Variants in NRF1 observed in about 807,000 individuals in gnomAD.
The protein encoded by NRF1 is nuclear respiratory factor 1, also known as alpha palindromic-binding protein.
NRF1 carries 5 observed loss-of-function variants against 58.5 expected under a neutral mutation model. That is an observed-to-expected ratio of 0.09 (90% CI 0.04 to 0.18). The LOEUF is 0.18. NRF1 is among the 10% of genes least tolerant of loss of function. NRF1 has a pLI of 1.00. For missense variants in NRF1, 288 were observed against 657.7 expected (o/e 0.44, Z 6.15); for synonymous variants, 224 against 246.7 (o/e 0.91, Z 0.86).
intron 6 of NRF1, 43 bp from the exon 7 acceptor site, chr7:129,710,331 G>C (rs1013657344): frequency 6.3e-7 from 1 of 1,596,290 alleles, no homozygotes; most frequent in South Asian, 1.1e-5. Context: ...AATAACCAAA[G>C]TTCTTTGTGG....
chr7:129,657,399 A>T lies in NRF1; in HGVS notation c.48A>T (p.Glu16Asp). ...AAACCGAACATATGGCTACCATAGA[A>T]GCACATGCAGTGGCCCAGCAAGTGC... Reference protein sequence around the residue: ...VTQTEHMATIEAHAVAQQVQQ... With the variant: ...VTQTEHMATIDAHAVAQQVQQ... Residue 16 changes from glutamate (E) to aspartate (D), a missense_variant, in exon 2 of 11, where the codon GAA (glutamate) becomes GAT (aspartate). Glu to Asp is a conservative substitution (Grantham distance 45). This residue lies in a region of NRF1 where 48 missense variants were observed against 65.5 expected (regional missense o/e 0.73). Transcript: ENST00000393232. The T allele has an allele frequency of 6.2e-7, 1 of 1,614,176 alleles. No individual in the cohort carries two copies. The highest frequency in any genetic ancestry group is 1.1e-5 in the South Asian group (1 of 91,082).
At chr7:129,630,328 G>A (rs1398502590) in intron 1 of NRF1, among the ~76,000 whole-genome samples, 2 of 152,198 alleles carry the variant, frequency 1.3e-5, no homozygotes, top group African/African-American at 4.8e-5. Context: ...TACTTACAGA[G>A]CTAACAGTCT....
chr7:129,644,529 C>T (rs532247740), intron 1 of NRF1, among the ~76,000 whole-genome samples: 3 of 152,318 alleles, frequency 2.0e-5, no homozygotes, highest in Non-Finnish European at 4.4e-5. Context: ...ATAGTAGCCA[C>T]AAGCCACATA....
intron 9 of NRF1, among the ~76,000 whole-genome samples, chr7:129,718,920 G>A (rs1418807223): frequency 3.3e-5 from 5 of 152,138 alleles, no homozygotes; most frequent in Admixed American, 2.6e-4. Context: ...TCATGTATAT[G>A]AGATAATATA....
At chr7:129,708,659 C>T (rs1426003252) in intron 5 of NRF1, among the ~76,000 whole-genome samples, 1 of 152,142 alleles carries the variant, frequency 6.6e-6, no homozygotes, top group Non-Finnish European at 1.5e-5. Flanking sequence ...ATTTTATCAG[C>T]TCGCCTCTTA....
intron 7 of NRF1, among the ~76,000 whole-genome samples, chr7:129,711,041 C>T (rs1240590264): frequency 6.6e-6 from 1 of 151,960 alleles, no homozygotes; most frequent in Non-Finnish European, 1.5e-5. Flanking sequence ...CCTCGGCCTC[C>T]TAAAATGCTG....
rs1804266120 is a variant in NRF1 at position 129,756,645 on chromosome 7, C to T, written c.*1464C>T. 6.6e-6 allele frequency: 1 copy of T among 152,664 alleles called. No homozygotes were observed. The highest frequency in any genetic ancestry group is 2.4e-5 in the African/African-American group (1 of 41,422). The allele number at this position is 152,664 out of a possible 1,614,324, so 9.5% of individuals were successfully genotyped here. On this transcript the variant is annotated 3_prime_UTR_variant, in exon 11 of 11. Coordinates refer to ENST00000393232, the MANE Select transcript of NRF1 (RefSeq NM_005011.5). ...CAGGGACAGCTCCTCCTCCCTCCTC[C>T]CAGCTCTCCCCATGTGTGTGATGGT...
chr7:129,710,168 G>A (rs1803041914), intron 6 of NRF1, among the ~76,000 whole-genome samples: 1 of 152,210 alleles, frequency 6.6e-6, no homozygotes, highest in African/African-American at 2.4e-5. Flanking sequence ...CTTTGATCAA[G>A]AAGAAACCAA....
At position 129,611,774 on chromosome 7, in the gene NRF1, C is replaced by A. The variant is rs1584569072; in HGVS notation, c.-57C>A. The A allele has an allele frequency of 3.6e-6, 1 of 280,522 alleles. No homozygotes were observed. Among genetic ancestry groups the A allele is most frequent in the Non-Finnish European group, 6.6e-6 (1 of 150,664 alleles). The allele number at this position is 280,522 out of a possible 1,614,324, so 17.4% of individuals were successfully genotyped here. On this transcript the variant is annotated 5_prime_UTR_variant, in exon 1 of 11. Coordinates refer to ENST00000393232, the MANE Select transcript of NRF1 (RefSeq NM_005011.5). ...GTGGCAGGAGGCTGCGAGGAGCCGG[C>A]GCGGTCGCAGTCTCCACGGCGCAGG...
At chr7:129,621,701 T>C (rs1227308362) in intron 1 of NRF1, among the ~76,000 whole-genome samples, 1 of 152,156 alleles carries the variant, frequency 6.6e-6, no homozygotes, top group Non-Finnish European at 1.5e-5. Context: ...ACCAGAATTA[T>C]GTGGTAATGC....
intron 1 of NRF1, among the ~76,000 whole-genome samples, chr7:129,635,986 A>G (rs974281397): frequency 6.6e-6 from 1 of 152,052 alleles, no homozygotes; most frequent in Non-Finnish European, 1.5e-5. Context: ...TTTTCTAACT[A>G]TTCATTAATT....
At chr7:129,708,375 A>T (rs781544559) in intron 5 of NRF1, among the ~76,000 whole-genome samples, 21 of 152,216 alleles carry the variant, frequency 1.4e-4, no homozygotes, top group Non-Finnish European at 2.6e-4. Flanking sequence ...TGATTTGTAA[A>T]ATAAATCTGA....
In NRF1 at chr7:129,657,474, T is replaced by G. The variant is rs1028094467; in HGVS notation, c.123T>G (p.Asp41Glu). The G allele has an allele frequency of 1.9e-6, 3 of 1,614,000 alleles. No homozygotes were observed. The highest frequency in any genetic ancestry group is 2.5e-6 in the Non-Finnish European group (3 of 1,180,004). The change falls in exon 2 of 11, where the codon GAT (aspartate) becomes GAG (glutamate). Residue 41 changes from aspartate to glutamate, a missense_variant. By Grantham distance (45) the Asp-to-Glu change is conservative. This residue lies in a region of NRF1 where 48 missense variants were observed against 65.5 expected (regional missense o/e 0.73). Coordinates refer to ENST00000393232, the MANE Select transcript of NRF1 (RefSeq NM_005011.5). ...TYTEHSMLSADEDSPSSPEDT... is the reference protein window; with the variant it reads ...TYTEHSMLSAEEDSPSSPEDT... ...CCGAGCATAGTATGCTGAGTGCTGA[T>G]GAAGACTCGCCTTCTTCTCCCGAGG...
chr7:129,671,508 A>G lies in NRF1; in HGVS notation c.303A>G (p.Pro101=). 2 of 1,613,380 alleles carry G rather than the reference A, an allele frequency of 1.2e-6. No individual in the cohort carries two copies. The highest frequency in any genetic ancestry group is 8.5e-7 in the Non-Finnish European group (1 of 1,179,318). ...GGCCTCATGTATTTGAGTCTAATCC[A>G]TCTATCCGGAAGAGGCAACAAACAC... ...RKRPHVFESN[P]SIRKRQQTRL... Residue 101 remains proline, a synonymous_variant, in exon 3 of 11, where the codon CCA becomes CCG. Transcript: ENST00000393232.
At chr7:129,677,476 T>G (rs1802208941) in intron 3 of NRF1, among the ~76,000 whole-genome samples, 156 bp from the exon 4 acceptor site, 1 of 152,260 alleles carries the variant, frequency 6.6e-6, no homozygotes, top group Non-Finnish European at 1.5e-5. Flanking sequence ...TACATATTTC[T>G]GCTGAATAGG....
At chr7:129,751,289 C>T (rs1804109398) in intron 10 of NRF1, among the ~76,000 whole-genome samples, 1 of 152,226 alleles carries the variant, frequency 6.6e-6, no homozygotes, top group Non-Finnish European at 1.5e-5. Context: ...GTTTAAATAC[C>T]TGCAAAGGGG....
At chr7:129,749,045 G>T (rs114588682) in intron 10 of NRF1, among the ~76,000 whole-genome samples, 3,598 of 152,320 alleles carry the variant, frequency 0.024, 146 homozygotes, top group African/African-American at 0.082. Flanking sequence ...ACAGACCACT[G>T]TAAAACCTCA....
intron 3 of NRF1, among the ~76,000 whole-genome samples, chr7:129,672,200 C>T (rs80164816): frequency 3.4e-5 from 4 of 116,866 alleles, no homozygotes; most frequent in African/African-American, 6.5e-5. Flanking sequence ...GCCAGGAGAT[C>T]TTTTTTTTTT....
chr7:129,752,865 C>T (rs936041169), intron 10 of NRF1, among the ~76,000 whole-genome samples: 3 of 152,206 alleles, frequency 2.0e-5, no homozygotes, highest in Non-Finnish European at 2.9e-5. Context: ...GTGCTTCCCC[C>T]ATGCCCACGT....
Sources: allele counts gnomAD v4.1 joint callset (sites outside exome capture counted in the v4.1 genomes callset), GRCh38; gene constraint gnomAD v4.1.1; regional missense constraint gnomAD v4.1.1; transcripts MANE v1.5; gene names NCBI Gene and HGNC (gene_info 2026-07-23, HGNC 2026-07-21).